MSI2: variants seen among roughly 807,000 people sequenced by gnomAD.
The protein encoded by MSI2 is musashi RNA binding protein 2.
In MSI2, 17 loss-of-function variants were observed where a neutral mutation model predicts 45.6. The observed-to-expected ratio is 0.37, with a 90% CI of 0.26 to 0.56. The LOEUF is 0.56. Ranked by LOEUF, MSI2 falls within the 20% of genes least tolerant of loss-of-function variation. The probability of loss-of-function intolerance (pLI) is 0.77; values close to 1 mark genes in which losing one functional copy is unlikely to be tolerated. For missense variants in MSI2, 293 were observed against 444.2 expected (o/e 0.66, Z 3.06); for synonymous variants, 156 against 158.2 (o/e 0.99, Z 0.11).
At chr17:57,343,981 G>C (rs1915388123) in intron 5 of MSI2, among the ~76,000 whole-genome samples, 1 of 152,166 alleles carries the variant, frequency 6.6e-6, no homozygotes, top group South Asian at 2.1e-4. Flanking sequence ...GCCTCTCTTT[G>C]ATCACCTGGT....
chr17:57,489,539 C>T (rs1345174677), intron 6 of MSI2, among the ~76,000 whole-genome samples: 2 of 152,234 alleles, frequency 1.3e-5, no homozygotes, highest in Non-Finnish European at 2.9e-5. Flanking sequence ...GCCAGTCCCT[C>T]AGTGGACAGA....
intron 6 of MSI2, among the ~76,000 whole-genome samples, chr17:57,455,034 G>C (rs937350183): frequency 3.3e-5 from 5 of 152,196 alleles, no homozygotes; most frequent in Non-Finnish European, 7.3e-5. Flanking sequence ...CTGAGAGCCT[G>C]ATTTTCCCAC....
intron 5 of MSI2, among the ~76,000 whole-genome samples, chr17:57,344,612 C>A (rs1438522142): frequency 1.3e-5 from 2 of 152,126 alleles, no homozygotes; most frequent in Non-Finnish European, 2.9e-5. Context: ...GTCTCTAGGC[C>A]ATTTCAGTGG....
intron 5 of MSI2, among the ~76,000 whole-genome samples, chr17:57,298,104 T>A (rs1911141435): frequency 6.6e-6 from 1 of 152,118 alleles, no homozygotes; most frequent in African/African-American, 2.4e-5. Flanking sequence ...GAGTGGTGAA[T>A]GCTTTCCAGA....
intron 6 of MSI2, among the ~76,000 whole-genome samples, chr17:57,462,746 G>A (rs2085254701): frequency 2.0e-5 from 3 of 152,172 alleles, no homozygotes; most frequent in Admixed American, 2.0e-4. Context: ...CATCAAGAGG[G>A]GAATGTTGGC....
chr17:57,566,993 C>T (rs1173998664), intron 7 of MSI2, among the ~76,000 whole-genome samples: 1 of 152,116 alleles, frequency 6.6e-6, no homozygotes, highest in East Asian at 1.9e-4. Flanking sequence ...CTATCCGTGC[C>T]CTGGAGGGTG....
rs112519407 is a variant in MSI2, at chr17:57,307,424, AT to A, written c.312+45244del. Reference sequence around the variant, plus strand: ...TTCCAGACTGTTGGCCTGCCCTAGGATTTTTTTTTTTTCTCTTTGAGATGGA... The same window carrying A: ...TTCCAGACTGTTGGCCTGCCCTAGGATTTTTTTTTTTCTCTTTGAGATGGA... On this transcript the variant is annotated intron_variant, in intron 5 of 13. Coordinates refer to ENST00000284073, the MANE Select transcript of MSI2 (RefSeq NM_138962.4). 6.1e-3 allele frequency among the ~76,000 whole-genome samples: 900 copies of A among 146,724 alleles called. 7 individuals are homozygous for A. Among genetic ancestry groups the A allele is most frequent in the African/African-American group, 0.021 (826 of 40,158 alleles).
At chr17:57,562,966 C>T (rs934767021) in intron 7 of MSI2, among the ~76,000 whole-genome samples, 4 of 151,826 alleles carry the variant, frequency 2.6e-5, no homozygotes, top group Non-Finnish European at 5.9e-5. Flanking sequence ...GGTGTGGTGG[C>T]GCATGCCTGT....
chr17:57,500,860 G>C (rs890512179), intron 6 of MSI2, among the ~76,000 whole-genome samples: 2 of 151,666 alleles, frequency 1.3e-5, no homozygotes, highest in Non-Finnish European at 2.9e-5. Flanking sequence ...CTACTTGGGA[G>C]GCTGAGGTGG....
chr17:57,378,151 G>A (rs1270638749), intron 5 of MSI2, among the ~76,000 whole-genome samples: 16 of 151,984 alleles, frequency 1.1e-4, no homozygotes, highest in African/African-American at 2.2e-4. Context: ...GCTCTGTCGT[G>A]TCCCGGGCTG....
chr17:57,636,285 G>C (rs1402384745), intron 10 of MSI2, among the ~76,000 whole-genome samples: 3 of 152,182 alleles, frequency 2.0e-5, no homozygotes, highest in African/African-American at 7.2e-5. Context: ...GCAAGGGGCT[G>C]CATCCTGAAC....
intron 6 of MSI2, among the ~76,000 whole-genome samples, chr17:57,482,644 T>G (rs1432926875): frequency 6.6e-6 from 1 of 152,172 alleles, no homozygotes; most frequent in African/African-American, 2.4e-5. Flanking sequence ...CATCTTCATC[T>G]GAAGCATGAG....
intron 5 of MSI2, among the ~76,000 whole-genome samples, chr17:57,400,803 C>G (rs2143088035): frequency 6.6e-6 from 1 of 151,866 alleles, no homozygotes; most frequent in South Asian, 2.1e-4. Flanking sequence ...CTGGGCTTGA[C>G]TGGGTGCAGG....
chr17:57,427,887 G>A (rs1472531303), intron 6 of MSI2, among the ~76,000 whole-genome samples: 1 of 151,170 alleles, frequency 6.6e-6, no homozygotes, highest in Non-Finnish European at 1.5e-5. Context: ...CTCTGCAGTG[G>A]GACAACTCTT....
At chr17:57,568,442 A>G (rs529190770) in intron 7 of MSI2, among the ~76,000 whole-genome samples, 34 of 152,252 alleles carry the variant, frequency 2.2e-4, no homozygotes, top group African/African-American at 7.2e-4. Context: ...TCTTGCCCCA[A>G]TCAAGAACAA....
At chr17:57,377,726 A>G (rs1286296687) in intron 5 of MSI2, among the ~76,000 whole-genome samples, 2 of 152,084 alleles carry the variant, frequency 1.3e-5, no homozygotes, top group East Asian at 3.8e-4. Context: ...GTAGTAGAGG[A>G]GAAGGAGGAT....
chr17:57,390,444 C>T (rs553108759), intron 5 of MSI2, among the ~76,000 whole-genome samples: 5 of 152,316 alleles, frequency 3.3e-5, no homozygotes, highest in African/African-American at 1.2e-4. Flanking sequence ...TAAGTTTTAA[C>T]GACCCCCACC....
chr17:57,518,092 A>C (rs373165823), intron 6 of MSI2, among the ~76,000 whole-genome samples: 2 of 152,170 alleles, frequency 1.3e-5, no homozygotes, highest in East Asian at 3.9e-4. Flanking sequence ...TCTTAAAGAG[A>C]GCAGGGTGGA....
At chr17:57,513,540 CT>C (rs1184766099) in intron 6 of MSI2, among the ~76,000 whole-genome samples, 4 of 152,200 alleles carry the variant, frequency 2.6e-5, no homozygotes, top group Non-Finnish European at 5.9e-5. Context: ...ACTGCAATGC[CT>C]TTTATAAATC....
Sources: gnomAD v4.1 joint callset for allele counts (sites outside exome capture counted in the v4.1 genomes callset) on GRCh38, gnomAD v4.1.1 for gene constraint, MANE v1.5 for transcripts, NCBI Gene and HGNC (gene_info 2026-07-23, HGNC 2026-07-21) for gene names.